Variants in CTNNA2 observed in about 807,000 individuals in gnomAD.
CTNNA2 encodes catenin alpha-2.
In CTNNA2, 42 loss-of-function variants were observed where a neutral mutation model predicts 101.0. The ratio of observed to expected loss-of-function variants is 0.42; its 90% CI spans 0.32 to 0.54. The LOEUF (loss-of-function observed/expected upper bound fraction) is 0.54. Ranked by LOEUF, CTNNA2 falls within the 20% of genes least tolerant of loss-of-function variation. CTNNA2 has a pLI of 0.14. For missense variants in CTNNA2, 871 were observed against 1,223.1 expected (o/e 0.71, Z 4.29); for synonymous variants, 450 against 456.4 (o/e 0.99, Z 0.18).
At chr2:80,263,725 T>C (rs1247570804) in intron 7 of CTNNA2, among the ~76,000 whole-genome samples, 1 of 152,234 alleles carries the variant, frequency 6.6e-6, no homozygotes, top group African/African-American at 2.4e-5. Context: ...GGCTACCATA[T>C]AGGACAATAC....
At chr2:80,380,204 T>C (rs529394966) in intron 7 of CTNNA2, among the ~76,000 whole-genome samples, 84 of 151,736 alleles carry the variant, frequency 5.5e-4, no homozygotes, top group African/African-American at 1.9e-3. Context: ...GCCCGGCTAA[T>C]TTTTTGTATT....
chr2:80,436,260 A>G (rs946648403), intron 9 of CTNNA2, among the ~76,000 whole-genome samples: 1 of 152,192 alleles, frequency 6.6e-6, no homozygotes, highest in African/African-American at 2.4e-5. Context: ...TACAGAAAGC[A>G]AAAGGTCTCA....
intron 7 of CTNNA2, among the ~76,000 whole-genome samples, chr2:80,157,303 G>A (rs1463986355): frequency 6.6e-6 from 1 of 152,138 alleles, no homozygotes; most frequent in Non-Finnish European, 1.5e-5. Flanking sequence ...GAAAGCGGGG[G>A]CGTGGTTGGT....
chr2:79,535,834 T>C (rs1369242098), intron 1 of CTNNA2, among the ~76,000 whole-genome samples: 1 of 152,122 alleles, frequency 6.6e-6, no homozygotes, highest in Non-Finnish European at 1.5e-5. Context: ...TCAAGGCTCT[T>C]GTATAGCTGC....
intron 18 of CTNNA2, among the ~76,000 whole-genome samples, chr2:80,638,488 A>G (rs1441943690): frequency 6.6e-6 from 1 of 152,196 alleles, no homozygotes; most frequent in Admixed American, 6.5e-5. Context: ...AAGAGTAAGT[A>G]TAGGAAAAGA....
intron 3 of CTNNA2, among the ~76,000 whole-genome samples, chr2:79,336,610 A>AT (rs753873890): frequency 2.6e-5 from 4 of 152,156 alleles, no homozygotes; most frequent in Non-Finnish European, 4.4e-5. Context: ...TATCCCTATT[A>AT]TAGTACATTT....
chr2:79,343,908 G>C (rs1037971267), intron 3 of CTNNA2, among the ~76,000 whole-genome samples: 2 of 152,036 alleles, frequency 1.3e-5, no homozygotes, highest in Non-Finnish European at 2.9e-5. Flanking sequence ...TAACTACAGA[G>C]ACATAAGATA....
intron 7 of CTNNA2, among the ~76,000 whole-genome samples, chr2:80,232,512 C>G (rs758515036): frequency 6.6e-6 from 1 of 151,612 alleles, no homozygotes; most frequent in Non-Finnish European, 1.5e-5. Context: ...TAGAGGTAAT[C>G]TGGGCTGAGC....
chr2:79,291,323 G>A (rs938650834), intron 2 of CTNNA2, among the ~76,000 whole-genome samples: 1 of 152,150 alleles, frequency 6.6e-6, no homozygotes, highest in Non-Finnish European at 1.5e-5. Context: ...AGACTGTCAG[G>A]TGTATGTCAG....
chr2:79,425,595 A>G (rs1678584175), intron 4 of CTNNA2, among the ~76,000 whole-genome samples: 1 of 152,108 alleles, frequency 6.6e-6, no homozygotes, highest in African/African-American at 2.4e-5. Context: ...TCATAATCCC[A>G]TTCACAAGGG....
intron 9 of CTNNA2, among the ~76,000 whole-genome samples, chr2:80,456,468 A>C (rs575501006): frequency 6.6e-6 from 1 of 152,266 alleles, no homozygotes; most frequent in African/African-American, 2.4e-5. Context: ...AGCAGGCGGG[A>C]TAGTGAGATC....
At chr2:80,222,934 C>A (rs1206044752) in intron 7 of CTNNA2, among the ~76,000 whole-genome samples, 1 of 152,092 alleles carries the variant, frequency 6.6e-6, no homozygotes, top group African/African-American at 2.4e-5. Context: ...TTTGAGATTT[C>A]ATCTAAAATG....
intron 7 of CTNNA2, among the ~76,000 whole-genome samples, chr2:80,096,182 C>G (rs1226465978): frequency 6.6e-6 from 1 of 151,938 alleles, no homozygotes; most frequent in Non-Finnish European, 1.5e-5. Flanking sequence ...TGAATGTGTC[C>G]CAGAGATTCT....
intron 7 of CTNNA2, among the ~76,000 whole-genome samples, chr2:80,144,965 C>A (rs547737932): frequency 1.3e-5 from 2 of 152,200 alleles, no homozygotes; most frequent in East Asian, 1.9e-4. Flanking sequence ...ACCTCTCCCC[C>A]CAGCTGTCAC....
chr2:80,010,137 T>A (rs1331742836), intron 7 of CTNNA2, among the ~76,000 whole-genome samples: 1 of 152,190 alleles, frequency 6.6e-6, no homozygotes, highest in Admixed American at 6.5e-5. Flanking sequence ...CTTTTATCCG[T>A]GAGCAGAGTA....
intron 4 of CTNNA2, among the ~76,000 whole-genome samples, chr2:79,441,457 T>C (rs1678776867): frequency 6.6e-6 from 1 of 152,126 alleles, no homozygotes; most frequent in Non-Finnish European, 1.5e-5. Context: ...CCTCAATGAA[T>C]GATACCATCA....
intron 1 of CTNNA2, among the ~76,000 whole-genome samples, chr2:79,518,303 C>G (rs574899482): frequency 6.6e-6 from 1 of 152,050 alleles, no homozygotes; most frequent in Non-Finnish European, 1.5e-5. Flanking sequence ...TAAATAAGAT[C>G]CTAACTTGCT....
At chr2:79,504,351 G>A (rs1339084675) in intron 4 of CTNNA2, among the ~76,000 whole-genome samples, 2 of 152,148 alleles carry the variant, frequency 1.3e-5, no homozygotes, top group Admixed American at 1.3e-4. Context: ...GTGCAGTGGT[G>A]TGATCTCAGC....
At chr2:80,401,288 C>G (rs923911965) in intron 8 of CTNNA2, among the ~76,000 whole-genome samples, 3 of 152,180 alleles carry the variant, frequency 2.0e-5, no homozygotes, top group African/African-American at 7.2e-5. Context: ...TCACCGCACC[C>G]AGGAAATATC....
Sources: allele counts gnomAD v4.1 joint callset (sites outside exome capture counted in the v4.1 genomes callset), GRCh38; gene constraint gnomAD v4.1.1; transcripts MANE v1.5; gene names NCBI Gene and HGNC (gene_info 2026-07-23, HGNC 2026-07-21).